GALNT10: variants seen among roughly 807,000 people sequenced by gnomAD.
GALNT10 encodes GalNAc transferase 10.
Under a neutral mutation model 75.0 loss-of-function variants are expected in GALNT10, and 41 were observed. The observed-to-expected ratio is 0.55, with a 90% CI of 0.43 to 0.71. The LOEUF is 0.71. Among genes scored for constraint, GALNT10 ranks in the 30% least tolerant of loss-of-function variants. The pLI is 0.00. For missense variants in GALNT10, 727 were observed against 818.5 expected, an observed-to-expected ratio of 0.89 and a Z score of 1.36; for synonymous variants, 302 against 313.0, an observed-to-expected ratio of 0.96 and a Z score of 0.37.
chr5:154,404,852 C>T (rs1427950886), intron 8 of GALNT10, among the ~76,000 whole-genome samples: 2 of 152,234 alleles, frequency 1.3e-5, no homozygotes, highest in Non-Finnish European at 2.9e-5. Context: ...AAAACCTCTG[C>T]ATGTCAAACT....
intron 4 of GALNT10, chr5:154,338,334 CA>C: frequency 2.0e-6 from 1 of 507,668 alleles, no homozygotes; most frequent in Non-Finnish European, 3.6e-6. Context: ...TCAAAATGCT[CA>C]AAAATTTGAG....
intron 3 of GALNT10, among the ~76,000 whole-genome samples, chr5:154,322,796 G>A (rs1412467728): frequency 7.9e-5 from 12 of 152,158 alleles, no homozygotes; most frequent in Non-Finnish European, 2.9e-5. Flanking sequence ...CTCCCTGCAG[G>A]CAAGGGCAAG....
chr5:154,193,514 G>A (rs1396159165), intron 1 of GALNT10, among the ~76,000 whole-genome samples: 1 of 152,230 alleles, frequency 6.6e-6, no homozygotes, highest in Non-Finnish European at 1.5e-5. Context: ...GGCATCTTGA[G>A]CATACAGAGC....
At chr5:154,303,613 G>A (rs916196253) in intron 3 of GALNT10, among the ~76,000 whole-genome samples, 2 of 152,162 alleles carry the variant, frequency 1.3e-5, no homozygotes, top group Non-Finnish European at 2.9e-5. Context: ...GAATCAGGTA[G>A]AGTACTTAGA....
In GALNT10 at chr5:154,409,174, C is replaced by T. The variant is rs753217649; in HGVS notation, c.1165-367C>T. ...TCTGCTGTTTGACCAGCCCCTGCAC[C>T]GGGGGCGCCTGTATTCACATTAGCT... On this transcript the variant is annotated intron_variant, in intron 8 of 11. Coordinates refer to ENST00000297107, the MANE Select transcript of GALNT10 (RefSeq NM_198321.4). This position sits in a 1 kb window ranked among gnomAD's most constrained non-coding sequence, Gnocchi z 4.5. Among the ~76,000 whole-genome samples, 2 of 152,136 alleles carry T rather than the reference C, an allele frequency of 1.3e-5. No homozygotes were observed. The highest frequency in any genetic ancestry group is 2.9e-5 in the Non-Finnish European group (2 of 68,030).
At chr5:154,403,872 C>G in intron 7 of GALNT10, 1 of 586,448 alleles carries the variant, frequency 1.7e-6, no homozygotes, top group Non-Finnish European at 3.1e-6. Context: ...TGTGGTTGTG[C>G]ATGTGACCAT....
At chr5:154,256,628 G>A (rs7723957) in intron 1 of GALNT10, among the ~76,000 whole-genome samples, 98,957 of 151,856 alleles carry the variant, frequency 0.65, 32,632 homozygotes, top group East Asian at 0.86. Context: ...AGGCAATTCT[G>A]TAAAAGAGAG....
intron 7 of GALNT10, among the ~76,000 whole-genome samples, chr5:154,396,998 G>T (rs1358045433): frequency 6.6e-6 from 1 of 151,860 alleles, no homozygotes; most frequent in East Asian, 1.9e-4. Flanking sequence ...ATGGTGGTGG[G>T]CACCTGTAAT....
intron 3 of GALNT10, among the ~76,000 whole-genome samples, chr5:154,326,067 C>T (rs1320001930): frequency 1.3e-5 from 2 of 150,220 alleles, no homozygotes; most frequent in African/African-American, 2.4e-5. Flanking sequence ...TATTTCTACA[C>T]ACTAGCAAAA....
At chr5:154,344,412 A>G (rs1047294682) in intron 4 of GALNT10, among the ~76,000 whole-genome samples, 8 of 151,770 alleles carry the variant, frequency 5.3e-5, no homozygotes, top group South Asian at 2.1e-4. Flanking sequence ...GGGTTTCACT[A>G]TGTTGGCCAG....
At chr5:154,305,715 A>C (rs1466346004) in intron 3 of GALNT10, among the ~76,000 whole-genome samples, 1 of 152,166 alleles carries the variant, frequency 6.6e-6, no homozygotes, top group Non-Finnish European at 1.5e-5. Flanking sequence ...TGAAGCAAAA[A>C]CTGATAAAAC....
At chr5:154,193,690 T>C (rs1008489927) in intron 1 of GALNT10, among the ~76,000 whole-genome samples, 3 of 152,342 alleles carry the variant, frequency 2.0e-5, no homozygotes, top group African/African-American at 4.8e-5. Context: ...CCATATGGGT[T>C]TGAAAGAAGA....
chr5:154,282,728 C>G (rs183237694), intron 1 of GALNT10, among the ~76,000 whole-genome samples: 23 of 152,244 alleles, frequency 1.5e-4, no homozygotes, highest in African/African-American at 4.3e-4. Flanking sequence ...TCCTCAGAAC[C>G]CTTTTATGGT....
At chr5:154,243,614 G>C (rs182104889) in intron 1 of GALNT10, among the ~76,000 whole-genome samples, 1 of 152,288 alleles carries the variant, frequency 6.6e-6, no homozygotes, top group East Asian at 1.9e-4. Context: ...ATCTATAAAA[G>C]AGAAGCAATA....
At chr5:154,368,794 C>T (rs1160813246) in intron 4 of GALNT10, among the ~76,000 whole-genome samples, 1 of 152,158 alleles carries the variant, frequency 6.6e-6, no homozygotes, top group Non-Finnish European at 1.5e-5. Context: ...TTTAATTTTC[C>T]TGCTGTTTAT....
chr5:154,283,495 A>G (rs558431374), intron 1 of GALNT10, among the ~76,000 whole-genome samples: 80 of 152,226 alleles, frequency 5.3e-4, no homozygotes, highest in South Asian at 1.0e-3. Flanking sequence ...TACCAGAGTG[A>G]CAGAGTGAGA....
At chr5:154,349,844 A>T (rs1755180909) in intron 4 of GALNT10, 1 of 152,228 alleles carries the variant, frequency 6.6e-6, no homozygotes, top group Non-Finnish European at 1.5e-5. Flanking sequence ...CGTGGTTATC[A>T]GTTATAGAAG....
intron 1 of GALNT10, among the ~76,000 whole-genome samples, chr5:154,274,641 C>T (rs1293090155): frequency 1.3e-5 from 2 of 152,152 alleles, no homozygotes; most frequent in Non-Finnish European, 2.9e-5. Flanking sequence ...CTCTCAGGAC[C>T]TCATTTTTCC....
intron 1 of GALNT10, among the ~76,000 whole-genome samples, chr5:154,238,985 C>T (rs1179573189): frequency 2.0e-5 from 3 of 152,086 alleles, no homozygotes; most frequent in Non-Finnish European, 4.4e-5. Context: ...CAGGGAGGGG[C>T]GATCTCAGGG....
Sources: gnomAD v4.1 joint callset for allele counts (sites outside exome capture counted in the v4.1 genomes callset) on GRCh38, gnomAD v4.1.1 for gene constraint, Gnocchi (gnomAD v3.1) non-coding constraint, MANE v1.5 for transcripts, NCBI Gene and HGNC (gene_info 2026-07-23, HGNC 2026-07-21) for gene names.